AK9: variants seen among roughly 807,000 people sequenced by gnomAD.
AK9 encodes the protein adenylate kinase 9, also known as adenylate kinase domain containing 1.
Under a neutral mutation model 239.6 loss-of-function variants are expected in AK9, and 191 were observed. The ratio of observed to expected loss-of-function variants is 0.80; its 90% CI spans 0.71 to 0.90. AK9 has a LOEUF of 0.90. Ranked by LOEUF, AK9 falls within the 40% of genes least tolerant of loss-of-function variation. The pLI is 0.00. For missense variants in AK9, 1,995 were observed against 2,214.7 expected (o/e 0.90, Z 1.99); for synonymous variants, 689 against 721.0 (o/e 0.96, Z 0.71).
chr6:109,493,093 C>A lies in AK9; in HGVS notation c.*276G>T. Reference sequence around the variant, plus strand: ...TTATTAAATAAGTCACTTAACTTTTCTATATGGAATTATAAATAGAATGTT... The same window carrying A: ...TTATTAAATAAGTCACTTAACTTTTATATATGGAATTATAAATAGAATGTT... On this transcript the variant is annotated 3_prime_UTR_variant, in exon 41 of 41. Coordinates refer to ENST00000424296, the MANE Select transcript of AK9 (RefSeq NM_001145128.3). The A allele has an allele frequency of 4.0e-6, 1 of 252,504 alleles. No homozygotes were observed. Among genetic ancestry groups the A allele is most frequent in the South Asian group, 1.2e-4 (1 of 8,464 alleles). The allele number at this position is 252,504 out of a possible 1,614,324, so 15.6% of individuals were successfully genotyped here.
intron 12 of AK9, 65 bp from the exon 13 acceptor site, chr6:109,619,301 C>A (rs1355166568): frequency 2.8e-6 from 4 of 1,443,768 alleles, no homozygotes; most frequent in South Asian, 2.9e-5. Context: ...ACACATTGTT[C>A]ATCTATCTAT....
intron 12 of AK9, among the ~76,000 whole-genome samples, chr6:109,622,120 T>C (rs1380524564): frequency 6.8e-6 from 1 of 146,778 alleles, no homozygotes; most frequent in East Asian, 2.0e-4. Context: ...ACATTATATA[T>C]AATACACATA....
intron 29 of AK9, among the ~76,000 whole-genome samples, chr6:109,526,067 G>C (rs923533608): frequency 1.3e-5 from 2 of 152,126 alleles, no homozygotes; most frequent in African/African-American, 4.8e-5. Context: ...GTTCTCATAA[G>C]TGGGAGCTAA....
At chr6:109,500,766 G>A (rs963092091) in intron 35 of AK9, among the ~76,000 whole-genome samples, 2 of 152,040 alleles carry the variant, frequency 1.3e-5, no homozygotes, top group Non-Finnish European at 2.9e-5. Flanking sequence ...GCCTGTAATC[G>A]CAGCACTTTG....
chr6:109,503,237 G>C (rs1406898), intron 35 of AK9, among the ~76,000 whole-genome samples: 1 of 151,714 alleles, frequency 6.6e-6, no homozygotes, highest in African/African-American at 2.4e-5. Context: ...TATACTACAT[G>C]GTGCTATAGT....
In AK9 at chr6:109,684,314, A is replaced by G. The variant is rs534884846; in HGVS notation, c.-12+6833T>C. Among the ~76,000 whole-genome samples, 4 of 152,288 alleles carry G rather than the reference A, an allele frequency of 2.6e-5. No individual in the cohort carries two copies. In the East Asian group the frequency reaches 5.8e-4, roughly 22 times the overall value. On this transcript the variant is annotated intron_variant, in intron 1 of 40. Coordinates refer to ENST00000424296, the MANE Select transcript of AK9 (RefSeq NM_001145128.3). Reference sequence around the variant, plus strand: ...AAAATCCTAGAAGAAAACCTGCGCAATACCATTAAGGACATAGGCACGGGC... The same window carrying G: ...AAAATCCTAGAAGAAAACCTGCGCAGTACCATTAAGGACATAGGCACGGGC...
chr6:109,588,805 T>C (rs1458325130), intron 17 of AK9, among the ~76,000 whole-genome samples: 1 of 152,212 alleles, frequency 6.6e-6, no homozygotes, highest in Non-Finnish European at 1.5e-5. Flanking sequence ...GCTCTCCAGT[T>C]TTCCCAGTAC....
chr6:109,598,517 A>G (rs1364620751), intron 17 of AK9, among the ~76,000 whole-genome samples: 3 of 152,192 alleles, frequency 2.0e-5, no homozygotes, highest in Non-Finnish European at 1.5e-5. Context: ...TATTGTGAAT[A>G]GTGCCGCAAT....
chr6:109,673,250 T>C (rs554576672), intron 3 of AK9, among the ~76,000 whole-genome samples: 1 of 152,160 alleles, frequency 6.6e-6, no homozygotes, highest in South Asian at 2.1e-4. Flanking sequence ...TACAAATTGT[T>C]CTCCAAAAAA....
At chr6:109,618,327 T>C (rs1794415943) in intron 13 of AK9, among the ~76,000 whole-genome samples, 1 of 151,916 alleles carries the variant, frequency 6.6e-6, no homozygotes, top group Admixed American at 6.6e-5. Context: ...ATATGATTAG[T>C]TACAAGACTA....
chr6:109,645,708 T>C (rs1210253285), intron 8 of AK9, among the ~76,000 whole-genome samples: 1 of 152,216 alleles, frequency 6.6e-6, no homozygotes, highest in Non-Finnish European at 1.5e-5. Flanking sequence ...ACAGCAGTGG[T>C]TCTCCCAGCA....
At chr6:109,534,942 T>A (rs1450060284) in intron 27 of AK9, among the ~76,000 whole-genome samples, 2 of 152,192 alleles carry the variant, frequency 1.3e-5, no homozygotes, top group Admixed American at 1.3e-4. Flanking sequence ...AACTCATCCT[T>A]TTTAATGGCT....
chr6:109,553,524 A>T (rs1207573290), intron 24 of AK9, among the ~76,000 whole-genome samples: 3 of 152,154 alleles, frequency 2.0e-5, no homozygotes, highest in African/African-American at 7.2e-5. Context: ...GTGTAAAGGA[A>T]TGCCTGTGAT....
chr6:109,495,912 G>GC (rs927773256), intron 38 of AK9, among the ~76,000 whole-genome samples: 23 of 151,558 alleles, frequency 1.5e-4, no homozygotes, highest in Middle Eastern at 3.4e-3. Flanking sequence ...CCCTGCCCTG[G>GC]CATCTTTGCC....
intron 12 of AK9, among the ~76,000 whole-genome samples, chr6:109,622,551 A>T (rs1424828110): frequency 6.9e-6 from 1 of 145,508 alleles, no homozygotes; most frequent in Admixed American, 7.0e-5. Context: ...ATTAAATTGC[A>T]TATTATATTG....
intron 35 of AK9, among the ~76,000 whole-genome samples, chr6:109,506,008 G>T (rs1016703609): frequency 1.3e-5 from 2 of 152,054 alleles, no homozygotes; most frequent in Non-Finnish European, 2.9e-5. Context: ...GCTCCCTCAA[G>T]CCTCTTCTAT....
At chr6:109,638,942 G>A (rs1205962195) in intron 10 of AK9, among the ~76,000 whole-genome samples, 7 of 152,152 alleles carry the variant, frequency 4.6e-5, no homozygotes, top group Admixed American at 4.6e-4. Flanking sequence ...GACAATGATT[G>A]TTTCCAGTTT....
intron 15 of AK9, among the ~76,000 whole-genome samples, 165 bp from the exon 16 acceptor site, chr6:109,612,258 G>A (rs558738305): frequency 1.5e-4 from 23 of 152,212 alleles, no homozygotes; most frequent in Admixed American, 1.4e-3. Context: ...TTTAGCAGCA[G>A]ATAATGAACA....
At position 109,506,382 on chromosome 6, in the gene AK9, C is replaced by G. The variant is rs1374843411; in HGVS notation, c.4794G>C (p.Lys1598Asn). ...TGTATTTATTCACCATTTGAACATT[C>G]TTAATGACTTCATTCCATACCCACC... is the stretch of plus-strand genomic sequence containing the variant. ...SKWWVWNEVI[K>N]NVQMVNKYMQ... The change falls in exon 35 of 41, where the codon AAG becomes AAC. Residue 1598 changes from lysine (K) to asparagine (N), a missense_variant. Physicochemically the swap from Lys to Asn is moderately conservative, Grantham distance 94. Around this residue, in one of 5 missense-constraint regions of AK9, gnomAD observed 391 missense variants for 456.0 expected, o/e 0.86. Coordinates refer to ENST00000424296, the MANE Select transcript of AK9 (RefSeq NM_001145128.3). The G allele has an allele frequency of 1.2e-6, 2 of 1,613,618 alleles. No homozygotes were observed. Among genetic ancestry groups the G allele is most frequent in the African/African-American group, 2.7e-5 (2 of 74,884 alleles).
Sources: gnomAD v4.1 joint callset for allele counts (sites outside exome capture counted in the v4.1 genomes callset) on GRCh38, gnomAD v4.1.1 for gene constraint, gnomAD v4.1.1 regional missense constraint, MANE v1.5 for transcripts, NCBI Gene and HGNC (gene_info 2026-07-23, HGNC 2026-07-21) for gene names.